FAM83B: variants seen among roughly 807,000 people sequenced by gnomAD.
FAM83B encodes protein FAM83B.
FAM83B carries 26 observed loss-of-function variants against 38.8 expected under a neutral mutation model. The ratio of observed to expected loss-of-function variants is 0.67; its 90% CI spans 0.49 to 0.93. FAM83B has a LOEUF of 0.93. Among genes scored for constraint, FAM83B ranks in the 40% least tolerant of loss-of-function variants. The pLI is 0.00. For missense variants in FAM83B, 1,237 were observed against 1,197.3 expected (o/e 1.03, Z -0.49); for synonymous variants, 419 against 423.1 (o/e 0.99, Z 0.12).
chr6:54,874,189 TC>T (rs997852167), intron 2 of FAM83B, among the ~76,000 whole-genome samples: 9 of 152,106 alleles, frequency 5.9e-5, no homozygotes, highest in South Asian at 2.1e-4. Context: ...ATTTCAAAAA[TC>T]TATACTTTTT....
intron 2 of FAM83B, among the ~76,000 whole-genome samples, chr6:54,880,636 G>C (rs952401726): frequency 1.3e-5 from 2 of 151,754 alleles, no homozygotes; most frequent in Non-Finnish European, 2.9e-5. Flanking sequence ...ATAGAGACAG[G>C]GTTTCACCAT....
intron 1 of FAM83B, among the ~76,000 whole-genome samples, chr6:54,851,849 G>A (rs889388427): frequency 9.2e-5 from 14 of 151,570 alleles, no homozygotes; most frequent in East Asian, 3.9e-4. Context: ...GGGTTTCACC[G>A]TTTTAGCCGG....
At chr6:54,912,131 A>G (rs779960897) in intron 2 of FAM83B, among the ~76,000 whole-genome samples, 4 of 151,798 alleles carry the variant, frequency 2.6e-5, no homozygotes, top group Non-Finnish European at 5.9e-5. Flanking sequence ...AGCATATTTT[A>G]TTTTCCCAAA....
Position 54,942,043 on chromosome 6 carries a change from T to C in FAM83B, c.*36T>C, listed in dbSNP as rs769734803. 1.3e-6 allele frequency: 2 copies of C among 1,553,050 alleles called. No individual in the cohort carries two copies. The highest frequency in any genetic ancestry group is 1.7e-6 in the Non-Finnish European group (2 of 1,153,330). On this transcript the variant is annotated 3_prime_UTR_variant, in exon 5 of 5. Coordinates refer to ENST00000306858, the MANE Select transcript of FAM83B (RefSeq NM_001010872.3). Reference sequence around the variant, plus strand: ...GCAAAATGAATGAGGCTATCAATATTTGTCCAAAGAAAATTGTGGACAGTC... The same window carrying C: ...GCAAAATGAATGAGGCTATCAATATCTGTCCAAAGAAAATTGTGGACAGTC...
chr6:54,877,755 A>G (rs963087928), intron 2 of FAM83B, among the ~76,000 whole-genome samples: 1 of 152,196 alleles, frequency 6.6e-6, no homozygotes, highest in African/African-American at 2.4e-5. Flanking sequence ...TTACTGATGA[A>G]AAATACTGCG....
In FAM83B at chr6:54,940,780, A is replaced by G; in HGVS notation, c.1809A>G (p.Pro603=). 1 of 1,613,986 alleles carries G rather than the reference A, an allele frequency of 6.2e-7. No homozygotes were observed. The highest frequency in any genetic ancestry group is 8.5e-7 in the Non-Finnish European group (1 of 1,179,994). Residue 603 remains proline (P), a synonymous_variant, in exon 5 of 5, where the codon CCA becomes CCG. Transcript: ENST00000306858. The part of the protein sequence containing the change: ...KPLPESIPKL[P]LQSEAPKMHT... ...TGCCAGAATCAATCCCCAAGCTCCC[A>G]TTGCAGTCAGAGGCACCAAAAATGC... is the stretch of plus-strand genomic sequence containing the variant.
At chr6:54,924,245 G>T (rs985451562) in intron 2 of FAM83B, among the ~76,000 whole-genome samples, 1 of 151,156 alleles carries the variant, frequency 6.6e-6, no homozygotes, top group African/African-American at 2.4e-5. Context: ...TTGTGCATCT[G>T]TTGATGGACA....
intron 4 of FAM83B, among the ~76,000 whole-genome samples, chr6:54,933,346 C>A (rs1195820967): frequency 2.0e-5 from 3 of 151,570 alleles, no homozygotes; most frequent in Non-Finnish European, 4.4e-5. Context: ...ATTGGTATGT[C>A]ATTTTCCTGA....
chr6:54,906,663 C>T (rs567555661), intron 2 of FAM83B, among the ~76,000 whole-genome samples: 16 of 152,176 alleles, frequency 1.1e-4, no homozygotes, highest in African/African-American at 7.2e-5. Context: ...AGATTACAGG[C>T]GTGAACCACC....
At chr6:54,912,181 G>T (rs1168058955) in intron 2 of FAM83B, among the ~76,000 whole-genome samples, 2 of 151,898 alleles carry the variant, frequency 1.3e-5, no homozygotes, top group Admixed American at 1.3e-4. Flanking sequence ...ACATAAGGCT[G>T]TGAAAGTTTT....
chr6:54,899,487 A>G (rs1013437323), intron 2 of FAM83B, among the ~76,000 whole-genome samples: 3 of 152,202 alleles, frequency 2.0e-5, no homozygotes, highest in African/African-American at 4.8e-5. Flanking sequence ...CAGGACTGCT[A>G]TAACATAATG....
intron 1 of FAM83B, among the ~76,000 whole-genome samples, chr6:54,852,395 C>A (rs1771323888): frequency 6.6e-6 from 1 of 152,042 alleles, no homozygotes; most frequent in Non-Finnish European, 1.5e-5. Flanking sequence ...TCTGATGTTA[C>A]TCTTGTAATT....
intron 2 of FAM83B, among the ~76,000 whole-genome samples, chr6:54,884,349 G>A (rs1196174637): frequency 6.7e-6 from 1 of 149,968 alleles, no homozygotes; most frequent in Non-Finnish European, 1.5e-5. Context: ...TGGGTGTGTG[G>A]CGCATGCCTA....
chr6:54,855,768 G>T (rs1391229896), intron 1 of FAM83B, among the ~76,000 whole-genome samples: 1 of 152,192 alleles, frequency 6.6e-6, no homozygotes, highest in Non-Finnish European at 1.5e-5. Context: ...AAAAGTGGGG[G>T]CAGGAGCCCT....
At chr6:54,871,745 CAAAAAAAAAAAA>C (rs34323872) in intron 2 of FAM83B, among the ~76,000 whole-genome samples, 24 of 29,028 alleles carry the variant, frequency 8.3e-4, no homozygotes, top group Non-Finnish European at 1.2e-3. Context: ...CCTGTCTCAC[CAAAAAAAAAAAA>C]AAAAAAAAAA....
intron 2 of FAM83B, among the ~76,000 whole-genome samples, chr6:54,912,232 A>G (rs183669132): frequency 1.3e-5 from 2 of 152,098 alleles, no homozygotes; most frequent in East Asian, 1.9e-4. Flanking sequence ...ATGTAATGAA[A>G]ATGGTTGAAG....
At chr6:54,851,894 G>A (rs906518070) in intron 1 of FAM83B, among the ~76,000 whole-genome samples, 38 of 151,810 alleles carry the variant, frequency 2.5e-4, no homozygotes, top group Non-Finnish European at 5.0e-4. Context: ...TGATCCTCCC[G>A]CCTCGGCCTC....
intron 4 of FAM83B, among the ~76,000 whole-genome samples, chr6:54,932,623 A>G (rs1400179340): frequency 6.6e-6 from 1 of 152,046 alleles, no homozygotes; most frequent in African/African-American, 2.4e-5. Context: ...TTTCAACTTA[A>G]AAAGATTCAC....
intron 1 of FAM83B, among the ~76,000 whole-genome samples, chr6:54,857,364 G>A (rs769836719): frequency 6.6e-6 from 1 of 152,126 alleles, no homozygotes; most frequent in African/African-American, 2.4e-5. Context: ...CTTGTTGCCT[G>A]TGGTGTTTTT....
Sources: gnomAD v4.1 joint callset for allele counts (sites outside exome capture counted in the v4.1 genomes callset) on GRCh38, gnomAD v4.1.1 for gene constraint, MANE v1.5 for transcripts, NCBI Gene and HGNC (gene_info 2026-07-23, HGNC 2026-07-21) for gene names.